P4HA3: variants seen among roughly 807,000 people sequenced by gnomAD.
The protein encoded by P4HA3 is prolyl 4-hydroxylase subunit alpha 3.
In P4HA3, 60 loss-of-function variants were observed where a neutral mutation model predicts 66.7. That is an observed-to-expected ratio of 0.90 (90% CI 0.73 to 1.12). The LOEUF is 1.12. Among genes scored for constraint, P4HA3 ranks in the 50% most tolerant of loss-of-function variants. The probability of loss-of-function intolerance (pLI) is 0.00; values close to 1 mark genes in which losing one functional copy is unlikely to be tolerated. For synonymous variants in P4HA3, 263 were observed against 274.6 expected (o/e 0.96, Z 0.42); for missense variants, 683 against 685.8 (o/e 1.00, Z 0.05).
chr11:74,260,791 C>T (rs1472909041), intron 14 of P4HA3, among the ~76,000 whole-genome samples: 1 of 152,104 alleles, frequency 6.6e-6, no homozygotes. Context: ...ATCTAAGGAC[C>T]TGTGAGTTAG....
intron 1 of P4HA3, among the ~76,000 whole-genome samples, chr11:74,305,342 T>C (rs1312901477): frequency 6.6e-6 from 1 of 152,160 alleles, no homozygotes; most frequent in Non-Finnish European, 1.5e-5. Context: ...TATTGGCCTG[T>C]TGGGTGCTCT....
At chr11:74,252,177 A>G (rs1194923893) in intron 15 of P4HA3, among the ~76,000 whole-genome samples, 1 of 135,316 alleles carries the variant, frequency 7.4e-6, no homozygotes, top group African/African-American at 2.9e-5. Flanking sequence ...CAAGTGATCC[A>G]GTGCCTCAGT....
chr11:74,260,425 C>T (rs562274766), intron 14 of P4HA3, among the ~76,000 whole-genome samples: 16 of 152,306 alleles, frequency 1.1e-4, no homozygotes, highest in African/African-American at 3.8e-4. Flanking sequence ...AACAGAGATT[C>T]TAGAACCCCA....
chr11:74,287,027 C>T lies in P4HA3; in HGVS notation c.770-636G>A, dbSNP rs200804909. On this transcript the variant is annotated intron_variant, in intron 5 of 12. Transcript: ENST00000331597. ...CTAGACCCAGAGCAAAGAAGTATGG[C>T]GCAGAGGGACTCTAGACTTTGGCTC... The T allele has an allele frequency of 2.3e-5, 23 of 994,088 alleles. No individual in the cohort carries two copies. In the East Asian group the frequency reaches 3.9e-4, roughly 17 times the overall value. 61.6% of individuals were successfully genotyped at this position (994,088 alleles called of 1,614,324 possible). A position where few individuals can be genotyped will look rare whatever the true frequency, so the allele number is the denominator to read the frequency against.
In P4HA3 at chr11:74,267,056, G is replaced by A. The variant is rs1051757029; in HGVS notation, c.*192C>T. ...TCCTACTCTGACTTCCGTGGCTGGGGCAGATCAAATGTACATTCTCAGTGT... is the reference window on the plus strand; with the variant it reads ...TCCTACTCTGACTTCCGTGGCTGGGACAGATCAAATGTACATTCTCAGTGT... On this transcript the variant is annotated 3_prime_UTR_variant, in exon 13 of 13. Transcript: ENST00000331597. 1 of 1,536,432 alleles carries A rather than the reference G, an allele frequency of 6.5e-7. No individual in the cohort carries two copies. The highest frequency in any genetic ancestry group is 8.7e-7 in the Non-Finnish European group (1 of 1,146,742).
chr11:74,273,121 T>C (rs1860263302), intron 10 of P4HA3, among the ~76,000 whole-genome samples: 1 of 152,210 alleles, frequency 6.6e-6, no homozygotes. Flanking sequence ...GTAAATCTGC[T>C]GCCTCATTCC....
At chr11:74,275,626 T>C (rs1860368252) in intron 9 of P4HA3, among the ~76,000 whole-genome samples, 1 of 152,342 alleles carries the variant, frequency 6.6e-6, no homozygotes, top group East Asian at 1.9e-4. Context: ...AATTTGTTCT[T>C]CTTTTTCAAA....
At chr11:74,303,292 C>CTTTT (rs779313817) in intron 2 of P4HA3, among the ~76,000 whole-genome samples, 30 of 123,224 alleles carry the variant, frequency 2.4e-4, no homozygotes, top group Non-Finnish European at 3.3e-4. Context: ...CAACAAACTT[C>CTTTT]TTTTTTTTTT....
rs889312525 is a variant in P4HA3, at chr11:74,289,010, G to A, written c.769+69C>T. On this transcript the variant is annotated intron_variant, in intron 5 of 12. Transcript: ENST00000331597. ...CTGTATTTCTCTTGCAGGAATTAAA[G>A]GCCAGGAGCAGAAGGGAGTTCCCCG... is the stretch of plus-strand genomic sequence containing the variant. 40 of 1,130,484 alleles carry A rather than the reference G, an allele frequency of 3.5e-5. No homozygotes were observed. In the African/African-American group the frequency reaches 6.4e-4, roughly 18 times the overall value. 70.0% of individuals were successfully genotyped at this position (1,130,484 alleles called of 1,614,324 possible).
intron 10 of P4HA3, among the ~76,000 whole-genome samples, chr11:74,271,631 G>A (rs1033068915): frequency 5.9e-5 from 9 of 151,872 alleles, no homozygotes; most frequent in Non-Finnish European, 1.3e-4. Flanking sequence ...CAAGTAGCGG[G>A]GACTACAGGT....
intron 3 of P4HA3, among the ~76,000 whole-genome samples, chr11:74,300,809 G>A (rs191505709): frequency 6.6e-6 from 1 of 152,176 alleles, no homozygotes; most frequent in African/African-American, 2.4e-5. Context: ...TCCATAGAAG[G>A]ACATAAAAGG....
At chr11:74,253,283 T>C (rs554424955) in intron 15 of P4HA3, among the ~76,000 whole-genome samples, 1 of 152,282 alleles carries the variant, frequency 6.6e-6, no homozygotes, top group African/African-American at 2.4e-5. Flanking sequence ...AGTGTTTGGC[T>C]GGGGCCCTTC....
At chr11:74,306,018 T>C (rs1861570783) in intron 1 of P4HA3, among the ~76,000 whole-genome samples, 2 of 152,256 alleles carry the variant, frequency 1.3e-5, no homozygotes, top group Non-Finnish European at 2.9e-5. Context: ...AGAGTGGTAC[T>C]GTTGAAACTA....
At chr11:74,284,230 C>T (rs1444299646) in intron 7 of P4HA3, among the ~76,000 whole-genome samples, 1 of 152,236 alleles carries the variant, frequency 6.6e-6, no homozygotes, top group Admixed American at 6.5e-5. Flanking sequence ...ATGTCCTCTT[C>T]CCATTGACAT....
chr11:74,262,900 C>A (rs1372844590), downstream of P4HA3, among the ~76,000 whole-genome samples: 2 of 152,242 alleles, frequency 1.3e-5, no homozygotes, highest in African/African-American at 4.8e-5. Context: ...AGAATCAACA[C>A]CCTCTTGCTT....
chr11:74,309,290 A>G (rs984619115), intron 1 of P4HA3, among the ~76,000 whole-genome samples: 2 of 152,198 alleles, frequency 1.3e-5, no homozygotes, highest in Non-Finnish European at 2.9e-5. Flanking sequence ...ATTGTGTGTG[A>G]GAGAGAATCA....
chr11:74,277,021 G>A lies in P4HA3; in HGVS notation c.1299C>T (p.Ile433=), dbSNP rs376351127. Residue 433 remains isoleucine (I), a synonymous_variant, in exon 9 of 13, where the codon ATC becomes ATT. Coordinates refer to ENST00000331597, the MANE Select transcript of P4HA3 (RefSeq NM_182904.5). ...AEYLQVVNYG[I]GGHYEPHFDH... ...CAAAGTGAGGCTCATAGTGTCCTCCGATGCCATAGTTCACCACCTGCAGAT... is the reference window on the plus strand; with the variant it reads ...CAAAGTGAGGCTCATAGTGTCCTCCAATGCCATAGTTCACCACCTGCAGAT... 1.5e-5 allele frequency: 25 copies of A among 1,613,818 alleles called. No individual in the cohort carries two copies. Among genetic ancestry groups the A allele is most frequent in the Non-Finnish European group, 1.9e-5 (23 of 1,179,966 alleles).
In P4HA3 at chr11:74,309,526, T is replaced by C. The variant is rs554495706; in HGVS notation, c.200+1886A>G. Among the ~76,000 whole-genome samples, 76 of 152,282 alleles carry C rather than the reference T, an allele frequency of 5.0e-4. 1 individual carries two copies. The South Asian group carries it at 0.015, about 31-fold the overall frequency. ...GAGCTACCCAAAGAGATTACTGGTA[T>C]GAGAACAAGCATGGGTAGCAGGGAG... On this transcript the variant is annotated intron_variant, in intron 1 of 12. Transcript: ENST00000331597.
chr11:74,251,446 G>A, intron 15 of P4HA3: 2 of 1,418,932 alleles, frequency 1.4e-6, no homozygotes, highest in Non-Finnish European at 1.8e-6. Context: ...TGAGCTCTAT[G>A]GAGCTATCCC....
Sources: gnomAD v4.1 joint callset for allele counts (sites outside exome capture counted in the v4.1 genomes callset) on GRCh38, gnomAD v4.1.1 for gene constraint, MANE v1.5 for transcripts, NCBI Gene and HGNC (gene_info 2026-07-23, HGNC 2026-07-21) for gene names.